PRR4: variants seen among roughly 807,000 people sequenced by gnomAD.
PRR4 encodes proline rich 4.
Under a neutral mutation model 7.6 loss-of-function variants are expected in PRR4, and 7 were observed. That is an observed-to-expected ratio of 0.92 (90% CI 0.52 to 1.73). PRR4 has a LOEUF of 1.73. Ranked by LOEUF, PRR4 falls within the 40% of genes most tolerant of loss-of-function variation. The pLI, the probability that PRR4 is intolerant of heterozygous loss-of-function variation, is 0.00. For missense variants in PRR4, 187 were observed against 161.0 expected (o/e 1.16, Z -0.87); for synonymous variants, 64 against 58.5 (o/e 1.09, Z -0.43).
chr12:10,845,957 C>CAAA lies in PRR4; in HGVS notation c.*19-10_*19-8dup, dbSNP rs71434160. On this transcript the variant is annotated splice_region_variant and splice_polypyrimidine_tract_variant and intron_variant, in intron 3 of 3. Transcript: ENST00000228811. ...TTATCTTCTTATTTATTTTCTGAAA[C>CAAA]AAAAAAAAAAACCAAGGAAATTTAT... 19 of 1,038,430 alleles carry CAAA rather than the reference C, an allele frequency of 1.8e-5. No individual in the cohort carries two copies. The highest frequency in any genetic ancestry group is 1.1e-4 in the Admixed American group (3 of 27,608). The allele number at this position is 1,038,430 out of a possible 1,614,324, so 64.3% of individuals were successfully genotyped here.
chr12:10,848,491 C>A (rs750030196), intron 1 of PRR4, 84 bp from the exon 2 acceptor site: 201 of 1,308,002 alleles, frequency 1.5e-4, no homozygotes, highest in Middle Eastern at 3.7e-4. Context: ...AAGGGGTCTT[C>A]TGGCCACACC....
intron 2 of PRR4, 138 bp from the exon 3 acceptor site, chr12:10,847,505 C>CT: frequency 1.8e-6 from 1 of 542,142 alleles, no homozygotes; most frequent in Non-Finnish European, 2.9e-6. Flanking sequence ...TTTGTGCCCA[C>CT]TGTTTTTTTT....
chr12:10,849,439 T>C lies in PRR4; in HGVS notation c.-2A>G, dbSNP rs375138635. 5.9e-5 allele frequency: 95 copies of C among 1,603,082 alleles called. No homozygotes were observed. The East Asian group carries it at 1.1e-3, about 19-fold the overall frequency. On this transcript the variant is annotated 5_prime_UTR_variant, in exon 1 of 4. Transcript: ENST00000228811. ...CACTGAGAGCAGGACCAGCAGCATC[T>C]TGAAGGAGGCTCTGGAGTTGCTCCC...
intron 3 of PRR4, among the ~76,000 whole-genome samples, chr12:10,846,696 A>T (rs1241469153): frequency 1.3e-5 from 2 of 152,138 alleles, no homozygotes; most frequent in East Asian, 3.9e-4. Context: ...CCTGAGAGAA[A>T]CCTGAGATGG....
At chr12:10,847,519 T>C (rs79633397) in intron 2 of PRR4, 152 bp from the exon 3 acceptor site, 1 of 484,822 alleles carries the variant, frequency 2.1e-6, no homozygotes, top group Non-Finnish European at 3.4e-6. Context: ...TTTTTTTTTC[T>C]TTTTATGCAG....
intron 1 of PRR4, chr12:10,848,692 T>C (rs970034060): frequency 6.1e-5 from 22 of 360,610 alleles, no homozygotes; most frequent in Non-Finnish European, 1.0e-4. Context: ...TCTGGGTATT[T>C]TCATGTCATA....
rs1465403067 is a variant in PRR4, at chr12:10,845,984, CACAACAT to C, written c.*19-41_*19-35del. ...AAAAAAAAAACCAAGGAAATTTATA[CACAACAT>C]ACAACATGGCAAAACTTATCTAATT... On this transcript the variant is annotated intron_variant, in intron 3 of 3. Transcript: ENST00000228811. 11 of 1,284,668 alleles carry C rather than the reference CACAACAT, an allele frequency of 8.6e-6. No homozygotes were observed. The Admixed American group carries it at 1.2e-4, about 14-fold the overall frequency. 79.6% of individuals were successfully genotyped at this position (1,284,668 alleles called of 1,614,324 possible).
chr12:10,846,489 C>T lies in PRR4; in HGVS notation c.*19-539G>A, dbSNP rs559432625. Among the ~76,000 whole-genome samples, 23 of 152,100 alleles carry T rather than the reference C, an allele frequency of 1.5e-4. No individual in the cohort carries two copies. The South Asian group carries it at 2.1e-3, about 14-fold the overall frequency. On this transcript the variant is annotated intron_variant, in intron 3 of 3. Transcript: ENST00000228811. ...AAGGGTGTGGGTAAGTAGGATAAGGCGTCACTTTAAGATTTAGCTTCATAC... is the reference window on the plus strand; with the variant it reads ...AAGGGTGTGGGTAAGTAGGATAAGGTGTCACTTTAAGATTTAGCTTCATAC...
At chr12:10,848,310 TA>T in intron 2 of PRR4, 61 bp downstream of exon 2, 2 of 1,532,448 alleles carry the variant, frequency 1.3e-6, no homozygotes, top group Middle Eastern at 3.6e-4. Context: ...TGAAGGAAAC[TA>T]AAAAGAAATT....
At chr12:10,848,224 T>C in intron 2 of PRR4, 148 bp downstream of exon 2, 1 of 685,570 alleles carries the variant, frequency 1.5e-6, no homozygotes, top group Non-Finnish European at 2.4e-6. Flanking sequence ...TGCCTATATA[T>C]TTAGGGGCAC....
At position 10,849,277 on chromosome 12, in the gene PRR4, C is replaced by T. The variant is rs2232958; in HGVS notation, c.64+97G>A. The stretch of plus-strand genomic sequence containing the variant: ...CCTCCTTCCTCCCCTCCTGCTCTTC[C>T]GCTGCAGTGGTGTAGGGTGAACCCC... On this transcript the variant is annotated intron_variant, in intron 1 of 3. Coordinates refer to ENST00000228811, the MANE Select transcript of PRR4 (RefSeq NM_007244.3). The T allele has an allele frequency of 9.5e-3, 5,486 of 575,294 alleles. 74 individuals are homozygous for T. Among genetic ancestry groups the T allele is most frequent in the East Asian group, 0.053 (1,660 of 31,110 alleles). The allele number at this position is 575,294 out of a possible 1,614,324, so 35.6% of individuals were successfully genotyped here.
chr12:10,849,153 A>G, intron 1 of PRR4: 1 of 231,198 alleles, frequency 4.3e-6, no homozygotes, highest in Non-Finnish European at 8.4e-6. Flanking sequence ...TTGGGTTCCA[A>G]GTGTATATCA....
At chr12:10,848,013 G>A (rs10734842) in intron 2 of PRR4, among the ~76,000 whole-genome samples, 110,237 of 151,934 alleles carry the variant, frequency 0.73, 42,674 homozygotes, top group East Asian at 0.93. Flanking sequence ...TAACCGTGCG[G>A]GGGAACACTG....
chr12:10,847,110 G>C lies in PRR4; in HGVS notation c.358C>G (p.Gln120Glu), dbSNP rs200742230. The C allele has an allele frequency of 4.3e-6, 7 of 1,610,988 alleles. No individual in the cohort carries two copies. In the African/African-American group the frequency reaches 8.0e-5, roughly 18 times the overall value. ...VSLQEASSFF[Q>E]RDRPARHPQE... ...GGATGTCTTGCTGGTCTGTCCCTCT[G>C]GAAGAATGATGATGCTTCCTGCAGG... Residue 120 changes from glutamine (Q) to glutamate (E), a missense_variant, in exon 3 of 4, where the codon CAG becomes GAG. Physicochemically the swap from Gln to Glu is conservative, Grantham distance 29. Coordinates refer to ENST00000228811, the MANE Select transcript of PRR4 (RefSeq NM_007244.3).
intron 3 of PRR4, among the ~76,000 whole-genome samples, chr12:10,846,682 G>A (rs1426106527): frequency 6.6e-6 from 1 of 152,174 alleles, no homozygotes; most frequent in Non-Finnish European, 1.5e-5. Flanking sequence ...TCCTCTGGCG[G>A]AAACCTGAGA....
chr12:10,848,085 T>C (rs995207011), intron 2 of PRR4, among the ~76,000 whole-genome samples: 1 of 152,176 alleles, frequency 6.6e-6, no homozygotes, highest in African/African-American at 2.4e-5. Flanking sequence ...CATTTGTTCA[T>C]CATCTCTCAG....
Position 10,845,951 on chromosome 12 carries a change from C to T in PRR4, c.*19-1G>A. 7.5e-7 allele frequency: 1 copy of T among 1,331,608 alleles called. No homozygotes were observed. The highest frequency in any genetic ancestry group is 9.8e-7 in the Non-Finnish European group (1 of 1,020,160). The allele number at this position is 1,331,608 out of a possible 1,614,324, so 82.5% of individuals were successfully genotyped here. The stretch of plus-strand genomic sequence containing the variant: ...AGGAAGTTATCTTCTTATTTATTTT[C>T]TGAAACAAAAAAAAAAACCAAGGAA... On this transcript the variant is annotated splice_acceptor_variant, in intron 3 of 3. Coordinates refer to ENST00000228811, the MANE Select transcript of PRR4 (RefSeq NM_007244.3). LOFTEE classifies it low-confidence loss of function (3UTR_SPLICE).
In PRR4 at chr12:10,847,121, G is replaced by A; in HGVS notation, c.347C>T (p.Ser116Leu). 1 of 1,613,002 alleles carries A rather than the reference G, an allele frequency of 6.2e-7. No individual in the cohort carries two copies. The highest frequency in any genetic ancestry group is 8.5e-7 in the Non-Finnish European group (1 of 1,179,378). The change falls in exon 3 of 4, where the codon TCA (serine) becomes TTA (leucine). Residue 116 changes from serine (S) to leucine (L), a missense_variant. Transcript: ENST00000228811. ...TGGTCTGTCCCTCTGGAAGAATGAT[G>A]ATGCTTCCTGCAGGCTGACAGAAGG... Reference protein sequence around the residue: ...RFPSVSLQEASSFFQRDRPAR... With the variant: ...RFPSVSLQEALSFFQRDRPAR...
chr12:10,848,891 G>C (rs1418089847), intron 1 of PRR4: 1 of 157,388 alleles, frequency 6.4e-6, no homozygotes, highest in Non-Finnish European at 1.4e-5. Flanking sequence ...CCACTATGTA[G>C]AAAGACACAA....
Sources: allele counts gnomAD v4.1 joint callset (sites outside exome capture counted in the v4.1 genomes callset), GRCh38; gene constraint gnomAD v4.1.1; transcripts MANE v1.5; gene names NCBI Gene and HGNC (gene_info 2026-07-23, HGNC 2026-07-21).